The following HIVEP3 variants were observed in gnomAD, a reference collection of about 807,000 sequenced individuals.
HIVEP3 encodes HIVEP zinc finger 3.
HIVEP3 carries 49 observed loss-of-function variants against 152.8 expected under a neutral mutation model. The observed-to-expected ratio is 0.32, with a 90% CI of 0.26 to 0.41. HIVEP3 has a LOEUF of 0.41. Ranked by LOEUF, HIVEP3 falls within the 10% of genes least tolerant of loss-of-function variation. The pLI is 1.00. For synonymous variants in HIVEP3, 1,269 were observed against 1,289.0 expected (o/e 0.98, Z 0.33); for missense variants, 2,790 against 3,103.3 (o/e 0.90, Z 2.40).
chr1:41,702,607 A>G (rs2124130971), intron 1 of HIVEP3, among the ~76,000 whole-genome samples: 1 of 152,322 alleles, frequency 6.6e-6, no homozygotes, highest in Non-Finnish European at 1.5e-5. Context: ...ATTGCAGGTC[A>G]TTATTATTCA....
At chr1:41,932,863 A>G in intron 1 of HIVEP3, among the ~76,000 whole-genome samples, 1 of 151,568 alleles carries the variant, frequency 6.6e-6, no homozygotes, top group Non-Finnish European at 1.5e-5. Flanking sequence ...CCAAATTGTG[A>G]TATGTTGTAG....
chr1:41,729,938 G>A (rs1646813422), intron 1 of HIVEP3, among the ~76,000 whole-genome samples: 1 of 152,232 alleles, frequency 6.6e-6, no homozygotes, highest in Non-Finnish European at 1.5e-5. Context: ...AGACAGGAAG[G>A]GAGGCACAAA....
intron 1 of HIVEP3, among the ~76,000 whole-genome samples, chr1:41,761,528 G>A (rs1647681097): frequency 6.6e-6 from 1 of 152,114 alleles, no homozygotes; most frequent in Non-Finnish European, 1.5e-5. Flanking sequence ...CTGTGTGAGT[G>A]TATGAGTTCA....
At chr1:42,026,043 T>C (rs1184115924) in intron 1 of HIVEP3, among the ~76,000 whole-genome samples, 1 of 151,040 alleles carries the variant, frequency 6.6e-6, no homozygotes, top group Admixed American at 6.6e-5. Flanking sequence ...GTCTGCAGCC[T>C]GGGCGACAGA....
At chr1:41,948,049 A>G (rs1469803560) in intron 1 of HIVEP3, among the ~76,000 whole-genome samples, 1 of 152,262 alleles carries the variant, frequency 6.6e-6, no homozygotes, top group Non-Finnish European at 1.5e-5. Context: ...AGGAAAGAAC[A>G]TAACTGTCCA....
intron 2 of HIVEP3, among the ~76,000 whole-genome samples, chr1:41,682,243 C>T (rs1034555030): frequency 1.3e-5 from 2 of 152,204 alleles, no homozygotes; most frequent in Non-Finnish European, 2.9e-5. Context: ...TCAGGCCCAT[C>T]CCCACCAGGA....
intron 1 of HIVEP3, among the ~76,000 whole-genome samples, chr1:41,893,425 G>C (rs1644477953): frequency 6.6e-6 from 1 of 152,176 alleles, no homozygotes. Flanking sequence ...AATGTCTGAA[G>C]ACATTTTTGG....
chr1:41,879,358 C>A (rs1195951271), intron 1 of HIVEP3, among the ~76,000 whole-genome samples: 4 of 152,232 alleles, frequency 2.6e-5, no homozygotes, highest in African/African-American at 9.6e-5. Flanking sequence ...AAGTGAGATG[C>A]TCAATCCCTA....
intron 3 of HIVEP3, among the ~76,000 whole-genome samples, chr1:41,617,229 C>T (rs1398993634): frequency 1.6e-5 from 2 of 121,486 alleles, no homozygotes; most frequent in South Asian, 2.7e-4. Flanking sequence ...CCTTTATACA[C>T]ATATCTTTAC....
chr1:41,920,595 TG>T (rs145516128), upstream of HIVEP3, among the ~76,000 whole-genome samples: 9,842 of 150,822 alleles, frequency 0.065, 1,072 homozygotes, highest in African/African-American at 0.23. Context: ...TTTTTTGTTT[TG>T]TTTTTTACCC....
intron 1 of HIVEP3, among the ~76,000 whole-genome samples, chr1:41,762,638 T>A (rs1252952266): frequency 6.6e-6 from 1 of 152,196 alleles, no homozygotes; most frequent in Non-Finnish European, 1.5e-5. Flanking sequence ...ACACAAAGCC[T>A]GCTCCTGTGC....
chr1:41,754,711 A>C (rs2124231101), intron 1 of HIVEP3, among the ~76,000 whole-genome samples: 1 of 152,300 alleles, frequency 6.6e-6, no homozygotes, highest in South Asian at 2.1e-4. Context: ...TCTTGATATC[A>C]CCAAGGTACC....
intron 5 of HIVEP3, among the ~76,000 whole-genome samples, chr1:41,567,258 T>C (rs1463216742): frequency 6.6e-6 from 1 of 152,188 alleles, no homozygotes; most frequent in Non-Finnish European, 1.5e-5. Context: ...GTCCTATAGC[T>C]CCTCTTTCCA....
At chr1:41,891,241 GA>G (rs1403030590) in intron 1 of HIVEP3, among the ~76,000 whole-genome samples, 1 of 151,838 alleles carries the variant, frequency 6.6e-6, no homozygotes, top group African/African-American at 2.4e-5. Context: ...CAGGAACACA[GA>G]AAAAAAACAG....
chr1:41,908,737 T>C (rs557828039), intron 1 of HIVEP3, among the ~76,000 whole-genome samples: 5 of 152,322 alleles, frequency 3.3e-5, no homozygotes, highest in African/African-American at 9.6e-5. Flanking sequence ...GCTGGCAAGT[T>C]AGTAAGACGT....
At chr1:41,546,835 T>C (rs1293489716) in intron 5 of HIVEP3, among the ~76,000 whole-genome samples, 2 of 152,228 alleles carry the variant, frequency 1.3e-5, no homozygotes, top group African/African-American at 4.8e-5. Context: ...GGATGCAGTG[T>C]CACTTGCAAA....
rs1481167063 is a variant in HIVEP3 at position 41,867,720 on chromosome 1, C to A, written c.-801+50693G>T. On this transcript the variant is annotated intron_variant, in intron 1 of 8. Coordinates refer to ENST00000372583, the MANE Select transcript of HIVEP3 (RefSeq NM_024503.5). Reference sequence around the variant, plus strand: ...TGCGACCTTGTCCACCATCTCTCCACTACGAGGTGCCATCTGGTAAATGGC... The same window carrying A: ...TGCGACCTTGTCCACCATCTCTCCAATACGAGGTGCCATCTGGTAAATGGC... Among the ~76,000 whole-genome samples, 2 of 152,244 alleles carry A rather than the reference C, an allele frequency of 1.3e-5. 1 individual carries two copies. The highest frequency in any genetic ancestry group is 4.1e-4 in the South Asian group (2 of 4,834).
At position 41,877,211 on chromosome 1, in the gene HIVEP3, G is replaced by A. The variant is rs1340598286; in HGVS notation, c.-801+41202C>T. On this transcript the variant is annotated intron_variant, in intron 1 of 8. Coordinates refer to ENST00000372583, the MANE Select transcript of HIVEP3 (RefSeq NM_024503.5). The stretch of plus-strand genomic sequence containing the variant: ...AAACCCCTCCCCAGAAGACAGCCTG[G>A]TTCACACAACAGAGGAACAGACCCC... Among the ~76,000 whole-genome samples, 4 of 152,252 alleles carry A rather than the reference G, an allele frequency of 2.6e-5. No homozygotes were observed. The South Asian group carries it at 8.3e-4, about 32-fold the overall frequency.
chr1:41,916,049 G>A (rs1225794823), intron 1 of HIVEP3, among the ~76,000 whole-genome samples: 2 of 152,188 alleles, frequency 1.3e-5, no homozygotes, highest in Non-Finnish European at 2.9e-5. Flanking sequence ...ATGCTATCCA[G>A]TTGTCACACA....
Sources: allele counts gnomAD v4.1 joint callset (sites outside exome capture counted in the v4.1 genomes callset), GRCh38; gene constraint gnomAD v4.1.1; transcripts MANE v1.5; gene names NCBI Gene and HGNC (gene_info 2026-07-23, HGNC 2026-07-21).